CDC14A: variants seen among roughly 807,000 people sequenced by gnomAD.
CDC14A encodes the protein cell division cycle 14A, also known as dual specificity protein phosphatase CDC14A.
Under a neutral mutation model 74.4 loss-of-function variants are expected in CDC14A, and 53 were observed. The observed-to-expected ratio is 0.71, with a 90% CI of 0.57 to 0.89. CDC14A has a LOEUF of 0.89. CDC14A is among the 40% of genes least tolerant of loss of function. The pLI, the probability that CDC14A is intolerant of heterozygous loss-of-function variation, is 0.00. For synonymous variants in CDC14A, 247 were observed against 258.4 expected (o/e 0.96, Z 0.43); for missense variants, 646 against 713.7 (o/e 0.91, Z 1.08).
intron 4 of CDC14A, among the ~76,000 whole-genome samples, chr1:100,403,555 T>C (rs755622708): frequency 3.3e-5 from 5 of 152,270 alleles, no homozygotes; most frequent in African/African-American, 4.8e-5. Flanking sequence ...GACTGCTCTC[T>C]CTAAACATCA....
chr1:100,459,112 C>CAGAGAGAGAGAGAG (rs1557781940), intron 8 of CDC14A, among the ~76,000 whole-genome samples: 8 of 147,782 alleles, frequency 5.4e-5, no homozygotes, highest in African/African-American at 2.1e-4. Flanking sequence ...CACACACACA[C>CAGAGAGAGAGAGAG]ACACACACAC....
chr1:100,418,856 A>T (rs1661880132), intron 4 of CDC14A, among the ~76,000 whole-genome samples: 1 of 152,104 alleles, frequency 6.6e-6, no homozygotes, highest in African/African-American at 2.4e-5. Flanking sequence ...GATGTGTTTC[A>T]GGCTCCCAAA....
intron 8 of CDC14A, chr1:100,462,426 A>T (rs1382711131): frequency 1.9e-6 from 1 of 520,156 alleles, no homozygotes; most frequent in African/African-American, 1.9e-5. Flanking sequence ...AACTTTAATG[A>T]TGTATTTTCA....
intron 2 of CDC14A, among the ~76,000 whole-genome samples, chr1:100,374,011 A>ATTCTCAT (rs1440269136): frequency 6.6e-6 from 1 of 151,732 alleles, no homozygotes; most frequent in African/African-American, 2.4e-5. Context: ...GTGTCCATGT[A>ATTCTCAT]TTCTCATTGT....
At chr1:100,384,903 A>G (rs989223937) in intron 3 of CDC14A, among the ~76,000 whole-genome samples, 2 of 152,150 alleles carry the variant, frequency 1.3e-5, no homozygotes, top group African/African-American at 4.8e-5. Context: ...CAGCTGCCCC[A>G]CTTCAGATTC....
chr1:100,473,780 T>C (rs1052928102), intron 10 of CDC14A, among the ~76,000 whole-genome samples: 1 of 152,142 alleles, frequency 6.6e-6, no homozygotes, highest in Non-Finnish European at 1.5e-5. Flanking sequence ...TTCTTGGGGA[T>C]TGCTTTTTCA....
At chr1:100,512,265 CTT>C (rs1173149122) in intron 15 of CDC14A, among the ~76,000 whole-genome samples, 1 of 152,080 alleles carries the variant, frequency 6.6e-6, no homozygotes, top group African/African-American at 2.4e-5. Context: ...AGAAACATCT[CTT>C]GTTTCCTGAG....
chr1:100,381,574 C>T (rs1656101184), intron 3 of CDC14A, among the ~76,000 whole-genome samples: 1 of 152,068 alleles, frequency 6.6e-6, no homozygotes, highest in South Asian at 2.1e-4. Context: ...ATTCCAATCC[C>T]AAATTTCTCA....
At chr1:100,518,195 C>T in intron 15 of CDC14A, 56 bp from the exon 16 acceptor site, 1 of 1,391,868 alleles carries the variant, frequency 7.2e-7, no homozygotes, top group Admixed American at 1.7e-5. Context: ...GCATGACTTG[C>T]TAGAAGTTTT....
At chr1:100,410,749 T>G (rs533032812) in intron 4 of CDC14A, among the ~76,000 whole-genome samples, 90 of 152,368 alleles carry the variant, frequency 5.9e-4, no homozygotes, top group African/African-American at 2.1e-3. Context: ...TAGAGGAAAT[T>G]AAAGTTGTTA....
In CDC14A at chr1:100,443,010, A is replaced by AT. The variant is rs757368744; in HGVS notation, c.519+22dup. The AT allele has an allele frequency of 1.1e-4, 164 of 1,521,584 alleles. 1 individual carries two copies. Among genetic ancestry groups the AT allele is most frequent in the Non-Finnish European group, 1.4e-4 (151 of 1,100,360 alleles). 94.3% of individuals were successfully genotyped at this position (1,521,584 alleles called of 1,614,324 possible). A position where few individuals can be genotyped will look rare whatever the true frequency, so the allele number is the denominator to read the frequency against. ...GAACATTATGAGGTTTGTACATTTA[A>AT]TTTTTTTTACAAAACATAATTTCAT... On this transcript the variant is annotated intron_variant, in intron 7 of 15. Coordinates refer to ENST00000336454, the MANE Select transcript of CDC14A (RefSeq NM_003672.4).
chr1:100,409,279 C>T (rs937502953), intron 4 of CDC14A, among the ~76,000 whole-genome samples: 3 of 152,158 alleles, frequency 2.0e-5, no homozygotes, highest in African/African-American at 7.2e-5. Flanking sequence ...CCATCGGGTC[C>T]CTCCCATAAC....
At chr1:100,447,956 G>T (rs1177598604) in intron 7 of CDC14A, among the ~76,000 whole-genome samples, 2 of 152,154 alleles carry the variant, frequency 1.3e-5, no homozygotes, top group African/African-American at 4.8e-5. Flanking sequence ...TTGTTATTTT[G>T]CTTGTCCCCA....
chr1:100,354,047 G>A (rs759607652), intron 2 of CDC14A, among the ~76,000 whole-genome samples, 195 bp downstream of exon 2: 4 of 152,138 alleles, frequency 2.6e-5, no homozygotes, highest in Non-Finnish European at 5.9e-5. Flanking sequence ...CAACACTTCA[G>A]TTCTTTTAGA....
chr1:100,434,630 A>T (rs1664105089), intron 5 of CDC14A, among the ~76,000 whole-genome samples: 1 of 152,178 alleles, frequency 6.6e-6, no homozygotes, highest in Non-Finnish European at 1.5e-5. Context: ...AGTGAGGGAT[A>T]GGATAAGGGG....
At position 100,462,666 on chromosome 1, in the gene CDC14A, C is replaced by T. The variant is rs955967691; in HGVS notation, c.623C>T (p.Ala208Val). 4.3e-6 allele frequency: 7 copies of T among 1,613,818 alleles called. No homozygotes were observed. The African/African-American group carries it at 6.7e-5, about 15-fold the overall frequency. ...GTTCCTTTAGGTTATCCTCTTCACG[C>T]CCCTGAAGCCTACTTTCCTTATTTC... is the stretch of plus-strand genomic sequence containing the variant. ...SKIENGYPLH[A>V]PEAYFPYFKK... Residue 208 changes from alanine (A) to valine (V), a missense_variant, in exon 9 of 16, where the codon GCC becomes GTC. By Grantham distance (64) the Ala-to-Val change is moderately conservative. Transcript: ENST00000336454.
At chr1:100,481,584 C>T (rs533010246) in intron 10 of CDC14A, among the ~76,000 whole-genome samples, 20 of 152,290 alleles carry the variant, frequency 1.3e-4, no homozygotes, top group South Asian at 6.2e-4. Context: ...CAAGTTATTT[C>T]GTTATTTTCT....
chr1:100,386,739 A>G (rs1656929225), intron 3 of CDC14A, among the ~76,000 whole-genome samples: 1 of 152,204 alleles, frequency 6.6e-6, no homozygotes, highest in Admixed American at 6.5e-5. Context: ...TAGAGGCATG[A>G]TATTCTCCTG....
intron 15 of CDC14A, among the ~76,000 whole-genome samples, chr1:100,501,607 A>G (rs998519197): frequency 4.6e-5 from 7 of 152,360 alleles, no homozygotes; most frequent in Non-Finnish European, 7.3e-5. Flanking sequence ...TGGCCTATGT[A>G]TATACTATAC....
Sources: gnomAD v4.1 joint callset for allele counts (sites outside exome capture counted in the v4.1 genomes callset) on GRCh38, gnomAD v4.1.1 for gene constraint, MANE v1.5 for transcripts, NCBI Gene and HGNC (gene_info 2026-07-23, HGNC 2026-07-21) for gene names.